EFCAB6: variants seen among roughly 807,000 people sequenced by gnomAD.
EFCAB6 encodes the protein EF-hand calcium binding domain 6.
EFCAB6 carries 156 observed loss-of-function variants against 169.8 expected under a neutral mutation model. That is an observed-to-expected ratio of 0.92 (90% confidence interval 0.81 to 1.05). The LOEUF (loss-of-function observed/expected upper bound fraction) is 1.05. Among genes scored for constraint, EFCAB6 ranks in the 50% least tolerant of loss-of-function variants. The probability of loss-of-function intolerance (pLI) is 0.00; values close to 1 mark genes in which losing one functional copy is unlikely to be tolerated. For synonymous variants in EFCAB6, 698 were observed against 676.4 expected, an observed-to-expected ratio of 1.03 and a Z score of -0.50; for missense variants, 1,800 against 1,829.1, an observed-to-expected ratio of 0.98 and a Z score of 0.29.
intron 1 of EFCAB6, 101 bp downstream of exon 1, chr22:43,812,067 G>A (rs2063150398): frequency 1.3e-5 from 2 of 152,302 alleles, no homozygotes; most frequent in African/African-American, 2.4e-5. Context: ...GTGGGCAGCA[G>A]CGCCGGCCTT....
chr22:43,567,894 C>T (rs528963474), intron 26 of EFCAB6, among the ~76,000 whole-genome samples: 17 of 152,260 alleles, frequency 1.1e-4, no homozygotes, highest in African/African-American at 3.6e-4. Flanking sequence ...GAAATGGAGA[C>T]TGTTTGACTC....
At chr22:43,747,513 A>G (rs2060607716) in intron 6 of EFCAB6, among the ~76,000 whole-genome samples, 1 of 152,160 alleles carries the variant, frequency 6.6e-6, no homozygotes, top group South Asian at 2.1e-4. Context: ...ACCTGACTGG[A>G]TAAGATCAAC....
intron 12 of EFCAB6, among the ~76,000 whole-genome samples, chr22:43,681,315 C>T (rs1046154045): frequency 1.3e-5 from 2 of 152,182 alleles, no homozygotes; most frequent in Non-Finnish European, 2.9e-5. Context: ...CCCATGTGGT[C>T]ACAGCACTTA....
intron 2 of EFCAB6, among the ~76,000 whole-genome samples, chr22:43,803,969 C>T (rs543542053): frequency 6.6e-6 from 1 of 152,276 alleles, no homozygotes; most frequent in Admixed American, 6.5e-5. Flanking sequence ...CCCTCAGCCT[C>T]CCAAGTATCT....
At chr22:43,750,088 C>A (rs922795010) in intron 6 of EFCAB6, among the ~76,000 whole-genome samples, 2 of 151,926 alleles carry the variant, frequency 1.3e-5, no homozygotes, top group African/African-American at 4.8e-5. Flanking sequence ...TACAATCTTG[C>A]GTTTGCACTA....
intron 27 of EFCAB6, among the ~76,000 whole-genome samples, chr22:43,543,750 C>T (rs2047884010): frequency 6.6e-6 from 1 of 152,084 alleles, no homozygotes; most frequent in Admixed American, 6.5e-5. Context: ...GCCTCCACCC[C>T]GTCAGGAGCC....
chr22:43,742,684 G>A lies in EFCAB6; in HGVS notation c.508-6691C>T, dbSNP rs116731638. Among the ~76,000 whole-genome samples the A allele has an allele frequency of 9.0e-3, 1,369 of 152,300 alleles. 20 individuals are homozygous for A. The highest frequency in any genetic ancestry group is 0.032 in the African/African-American group (1,322 of 41,554). ...CCCAGCCCCACTCTGCGCAGCCCCC[G>A]CTGAGCCTGGCGCTGATTCCAGCCT... On this transcript the variant is annotated intron_variant, in intron 6 of 31. Coordinates refer to ENST00000262726, the MANE Select transcript of EFCAB6 (RefSeq NM_022785.4).
chr22:43,632,135 A>G lies in EFCAB6; in HGVS notation c.2202T>C (p.Leu734=). The G allele has an allele frequency of 6.2e-7, 1 of 1,614,114 alleles. No individual in the cohort carries two copies. The highest frequency in any genetic ancestry group is 8.5e-7 in the Non-Finnish European group (1 of 1,180,010). The change falls in exon 19 of 32, where the codon CTT becomes CTC. Residue 734 remains leucine, a synonymous_variant. Transcript: ENST00000262726. ...ATGACTCCTTCAGCCTCCTAGGGAA[A>G]AGCTTCAGGCATTCTTCTGCGGTGA... ...HFITAEECLK[L]FPRRLKESFR...
chr22:43,751,821 G>A (rs1437687917), intron 6 of EFCAB6, among the ~76,000 whole-genome samples: 1 of 152,198 alleles, frequency 6.6e-6, no homozygotes. Flanking sequence ...ACATATGCCT[G>A]CTTAACCTCT....
intron 10 of EFCAB6, among the ~76,000 whole-genome samples, chr22:43,705,806 A>G (rs2058936582): frequency 6.6e-6 from 1 of 152,172 alleles, no homozygotes; most frequent in Non-Finnish European, 1.5e-5. Flanking sequence ...CCAAATGAAC[A>G]ACTGAAACTT....
intron 6 of EFCAB6, among the ~76,000 whole-genome samples, chr22:43,736,345 TA>T (rs1357128089): frequency 6.6e-6 from 1 of 152,362 alleles, no homozygotes; most frequent in Admixed American, 6.5e-5. Flanking sequence ...GCTGGACTTG[TA>T]CAATTTTTAT....
intron 6 of EFCAB6, among the ~76,000 whole-genome samples, chr22:43,747,773 G>A (rs1050728000): frequency 2.6e-5 from 4 of 151,998 alleles, no homozygotes; most frequent in African/African-American, 9.7e-5. Context: ...TCTAAGGCCT[G>A]GTTCAAACCA....
intron 2 of EFCAB6, among the ~76,000 whole-genome samples, chr22:43,793,535 AC>A (rs917612730): frequency 1.3e-5 from 2 of 152,126 alleles, no homozygotes; most frequent in African/African-American, 4.8e-5. Context: ...AATATAACCC[AC>A]CCTGACCCTC....
chr22:43,670,831 T>G (rs772992968), intron 15 of EFCAB6, among the ~76,000 whole-genome samples: 61 of 151,926 alleles, frequency 4.0e-4, no homozygotes, highest in Admixed American at 1.4e-3. Context: ...TTTCAAGGAG[T>G]GGAAAGCAGG....
chr22:43,783,147 T>C (rs1364885403), intron 2 of EFCAB6, among the ~76,000 whole-genome samples: 1 of 152,148 alleles, frequency 6.6e-6, no homozygotes, highest in African/African-American at 2.4e-5. Flanking sequence ...AACTCAGAGT[T>C]CACTCAGTGA....
chr22:43,667,075 T>C (rs1190569163), intron 17 of EFCAB6, 29 bp downstream of exon 17: 8 of 1,603,400 alleles, frequency 5.0e-6, no homozygotes, highest in African/African-American at 2.7e-5. Context: ...TTCTGCAGGA[T>C]AGAAACAAAG....
chr22:43,641,826 A>G (rs1380207258), intron 17 of EFCAB6, among the ~76,000 whole-genome samples: 1 of 152,132 alleles, frequency 6.6e-6, no homozygotes, highest in East Asian at 1.9e-4. Context: ...TACACTTAGC[A>G]AAGTTCTCTT....
chr22:43,657,246 G>A (rs1231977178), intron 17 of EFCAB6, among the ~76,000 whole-genome samples: 3 of 152,114 alleles, frequency 2.0e-5, no homozygotes, highest in East Asian at 3.9e-4. Flanking sequence ...AGTGAGTTGC[G>A]ATGGCACCCC....
chr22:43,708,066 A>T (rs2059018587), intron 10 of EFCAB6, among the ~76,000 whole-genome samples: 1 of 149,734 alleles, frequency 6.7e-6, no homozygotes, highest in African/African-American at 2.4e-5. Flanking sequence ...GTGGAAGGGA[A>T]AAAAAAGAGT....
Sources: allele counts gnomAD v4.1 joint callset (sites outside exome capture counted in the v4.1 genomes callset), GRCh38; gene constraint gnomAD v4.1.1; transcripts MANE v1.5; gene names NCBI Gene and HGNC (gene_info 2026-07-23, HGNC 2026-07-21).